The following TAS1R1 variants were observed in gnomAD, a reference collection of about 807,000 sequenced individuals.
The protein encoded by TAS1R1 is taste receptor type 1 member 1.
A neutral mutation model predicts 45.8 loss-of-function variants in TAS1R1; 31 were observed. The ratio of observed to expected loss-of-function variants is 0.68; its 90% CI spans 0.51 to 0.91. The LOEUF (loss-of-function observed/expected upper bound fraction) is 0.91. Ranked by LOEUF, TAS1R1 falls within the 40% of genes least tolerant of loss-of-function variation. TAS1R1 has a pLI of 0.00. For missense variants in TAS1R1, 1,051 were observed against 1,063.9 expected (o/e 0.99, Z 0.17); for synonymous variants, 437 against 448.4 (o/e 0.97, Z 0.32).
At position 6,579,202 on chromosome 1, in the gene TAS1R1, T is replaced by C. The variant is rs1353106595; in HGVS notation, c.2144T>C (p.Leu715Pro). ...PAREYQRFPH[L>P]VMLECTETNS... ...AGGGAATACCAGCGCTTCCCCCATCTGGTGATGCTTGAGTGCACAGAGACC... is the reference window on the plus strand; with the variant it reads ...AGGGAATACCAGCGCTTCCCCCATCCGGTGATGCTTGAGTGCACAGAGACC... The change falls in exon 6 of 6, where the codon CTG (leucine) becomes CCG (proline). Residue 715 changes from leucine to proline, a missense_variant. By Grantham distance (98) the Leu-to-Pro change is moderately conservative (BLOSUM62 -3). Coordinates refer to ENST00000333172, the MANE Select transcript of TAS1R1 (RefSeq NM_138697.4). 1 of 1,614,204 alleles carries C rather than the reference T, an allele frequency of 6.2e-7. No individual in the cohort carries two copies. Among genetic ancestry groups the C allele is most frequent in the South Asian group, 1.1e-5 (1 of 91,090 alleles).
chr1:6,575,418 C>T (rs758483247), intron 3 of TAS1R1, 26 bp downstream of exon 3: 153 of 1,524,942 alleles, frequency 1.0e-4, no homozygotes, highest in Non-Finnish European at 1.3e-4. Context: ...CCAGCACCTC[C>T]TGTCAGGGAG....
chr1:6,571,059 C>T lies in TAS1R1; in HGVS notation c.342C>T (p.Ala114=), dbSNP rs1639999912. Reference sequence around the variant, plus strand: ...GTTCTGACTCTGCCAATGTGTATGCCACGCTGAGAGTGCTCTCCCTGCCAG... The same window carrying T: ...GTTCTGACTCTGCCAATGTGTATGCTACGCTGAGAGTGCTCTCCCTGCCAG... The part of the protein sequence containing the change: ...DVCSDSANVY[A]TLRVLSLPGQ... The change falls in exon 2 of 6, where the codon GCC becomes GCT. Residue 114 remains alanine (A), a synonymous_variant. Transcript: ENST00000333172. The T allele has an allele frequency of 4.3e-6, 7 of 1,614,170 alleles. No individual in the cohort carries two copies. The highest frequency in any genetic ancestry group is 5.9e-6 in the Non-Finnish European group (7 of 1,180,038).
Position 6,579,259 on chromosome 1 carries a change from A to C in TAS1R1, c.2201A>C (p.Tyr734Ser), listed in dbSNP as rs1395265685. ...NSLGFILAFL[Y>S]NGLLSISAFA... is the part of the protein sequence containing the mutation. ...CTGGGCTTCATACTGGCCTTCCTCTACAATGGCCTCCTCTCCATCAGTGCC... is the reference window on the plus strand; with the variant it reads ...CTGGGCTTCATACTGGCCTTCCTCTCCAATGGCCTCCTCTCCATCAGTGCC... The change falls in exon 6 of 6, where the codon TAC becomes TCC. Residue 734 changes from tyrosine (Y) to serine (S), a missense_variant. Tyr to Ser is a moderately radical substitution (Grantham distance 144, BLOSUM62 -2). Coordinates refer to ENST00000333172, the MANE Select transcript of TAS1R1 (RefSeq NM_138697.4). 6.2e-7 allele frequency: 1 copy of C among 1,614,182 alleles called. No homozygotes were observed. Among genetic ancestry groups the C allele is most frequent in the South Asian group, 1.1e-5 (1 of 91,078 alleles).
chr1:6,574,850 G>A lies in TAS1R1; in HGVS notation c.718G>A (p.Ala240Thr). The A allele has an allele frequency of 6.2e-7, 1 of 1,614,260 alleles. No homozygotes were observed. The highest frequency in any genetic ancestry group is 1.1e-5 in the South Asian group (1 of 91,090). Residue 240 changes from alanine (A) to threonine (T), a missense_variant, in exon 3 of 6, where the codon GCT becomes ACT. Physicochemically the swap from Ala to Thr is moderately conservative, Grantham distance 58. Transcript: ENST00000333172. The surrounding 1 kb of genome is among the most constrained non-coding windows in gnomAD (Gnocchi z 4.3). ...GGCCACTGGTCAGGGGATCTGCATT[G>A]CTTTCAAGGACATCATGCCCTTCTC... ...NQATGQGICI[A>T]FKDIMPFSAQ... is the part of the protein sequence containing the mutation.
chr1:6,578,730 G>T lies in TAS1R1; in HGVS notation c.1672G>T (p.Val558Leu), dbSNP rs1344991529. ...GSQTCFPRTV[V>L]FLALREHTSW... ...CCAGACCTGCTTCCCGCGCACTGTG[G>T]TGTTTTTGGCTTTGCGTGAGCACAC... Residue 558 changes from valine to leucine, a missense_variant, in exon 6 of 6, where the codon GTG becomes TTG. Physicochemically the swap from Val to Leu is conservative, Grantham distance 32. Coordinates refer to ENST00000333172, the MANE Select transcript of TAS1R1 (RefSeq NM_138697.4). 10 of 1,613,500 alleles carry T rather than the reference G, an allele frequency of 6.2e-6. No individual in the cohort carries two copies. The highest frequency in any genetic ancestry group is 1.3e-5 in the African/African-American group (1 of 75,052).
At chr1:6,572,590 G>A (rs1265325485) in intron 2 of TAS1R1, among the ~76,000 whole-genome samples, 1 of 152,056 alleles carries the variant, frequency 6.6e-6, no homozygotes, top group Non-Finnish European at 1.5e-5. Flanking sequence ...TCCTATGAGA[G>A]TCTTTCCTTG....
chr1:6,568,380 G>A (rs1000269121), intron 1 of TAS1R1, among the ~76,000 whole-genome samples: 11 of 151,852 alleles, frequency 7.2e-5, no homozygotes, highest in Non-Finnish European at 7.4e-5. Flanking sequence ...GCGTGAACCC[G>A]GGAGGCGGAG....
At position 6,576,396 on chromosome 1, in the gene TAS1R1, T is replaced by G. The variant is rs75192825; in HGVS notation, c.1261-19T>G. 1.7e-5 allele frequency: 27 copies of G among 1,612,748 alleles called. No homozygotes were observed. The highest frequency in any genetic ancestry group is 4.5e-5 in the East Asian group (2 of 44,898). ...GTCTGTGCTGTCTGTGGTGGCTTCA[T>G]GATACGCGTTTCTTTCAGCTTTTGG... On this transcript the variant is annotated intron_variant, in intron 3 of 5. Transcript: ENST00000333172.
intron 1 of TAS1R1, among the ~76,000 whole-genome samples, chr1:6,564,624 C>T (rs556270651): frequency 2.6e-5 from 4 of 152,118 alleles, no homozygotes; most frequent in Middle Eastern, 3.4e-3. Context: ...GATATGGAGG[C>T]GCCACTGGAC....
At chr1:6,557,956 G>A (rs1316667863) in intron 1 of TAS1R1, among the ~76,000 whole-genome samples, 1 of 152,154 alleles carries the variant, frequency 6.6e-6, no homozygotes, top group Non-Finnish European at 1.5e-5. Flanking sequence ...GGGGTGATAA[G>A]GCATATAGGC....
chr1:6,570,215 C>T (rs1458875177), intron 1 of TAS1R1, among the ~76,000 whole-genome samples: 1 of 152,000 alleles, frequency 6.6e-6, no homozygotes, highest in Admixed American at 6.6e-5. Flanking sequence ...GCAGCCCAGG[C>T]TTACAGACTA....
Position 6,574,789 on chromosome 1 carries a change from C to T in TAS1R1, c.657C>T (p.Asp219=), listed in dbSNP as rs762031703. Residue 219 remains aspartate, a synonymous_variant, in exon 3 of 6, where the codon GAC becomes GAT. Coordinates refer to ENST00000333172, the MANE Select transcript of TAS1R1 (RefSeq NM_138697.4). The surrounding 1 kb of genome is among the most constrained non-coding windows in gnomAD (Gnocchi z 4.3). ...TCTCTCTGGTTGGCAGCAGTGACGA[C>T]TATGGGCAGCTAGGGGTGCAGGCAC... ...TWISLVGSSD[D]YGQLGVQALE... The T allele has an allele frequency of 1.9e-6, 3 of 1,614,164 alleles. No homozygotes were observed. The highest frequency in any genetic ancestry group is 3.3e-5 in the Admixed American group (2 of 60,010).
In TAS1R1 at chr1:6,574,906, C is replaced by T. The variant is rs753867168; in HGVS notation, c.774C>T (p.Cys258=). 1 of 1,614,152 alleles carries T rather than the reference C, an allele frequency of 6.2e-7. No individual in the cohort carries two copies. The highest frequency in any genetic ancestry group is 1.1e-5 in the South Asian group (1 of 91,090). ...AGGTGGGCGATGAGAGGATGCAGTGCCTCATGCGCCACCTGGCCCAGGCCG... is the reference window on the plus strand; with the variant it reads ...AGGTGGGCGATGAGAGGATGCAGTGTCTCATGCGCCACCTGGCCCAGGCCG... ...SAQVGDERMQ[C]LMRHLAQAGA... The change falls in exon 3 of 6, where the codon TGC becomes TGT. Residue 258 remains cysteine, a synonymous_variant. Coordinates refer to ENST00000333172, the MANE Select transcript of TAS1R1 (RefSeq NM_138697.4). The surrounding 1 kb of genome is among the most constrained non-coding windows in gnomAD (Gnocchi z 4.3).
intron 2 of TAS1R1, among the ~76,000 whole-genome samples, chr1:6,573,806 G>A (rs531084470): frequency 1.3e-5 from 2 of 151,962 alleles, no homozygotes; most frequent in South Asian, 4.2e-4. Flanking sequence ...GGGACTACAG[G>A]CGCGCGCCAC....
chr1:6,579,686 G>A lies in TAS1R1; in HGVS notation c.*102G>A. ...GAGGTCTTTGGGCATCGCGGTCTGG[G>A]GTTGGGACGTGTAAGCGCCTGGGAG... On this transcript the variant is annotated 3_prime_UTR_variant, in exon 6 of 6. Coordinates refer to ENST00000333172, the MANE Select transcript of TAS1R1 (RefSeq NM_138697.4). 2.0e-6 allele frequency: 3 copies of A among 1,468,236 alleles called. No homozygotes were observed. Among genetic ancestry groups the A allele is most frequent in the East Asian group, 2.4e-5 (1 of 42,482 alleles). 91.0% of individuals were successfully genotyped at this position (1,468,236 alleles called of 1,614,324 possible).
intron 4 of TAS1R1, 70 bp from the exon 5 acceptor site, chr1:6,576,880 G>A (rs1640194052): frequency 2.5e-6 from 4 of 1,608,574 alleles, no homozygotes; most frequent in South Asian, 1.1e-5. Flanking sequence ...CAGAGATTCT[G>A]TTTTCTGTTC....
intron 3 of TAS1R1, 59 bp downstream of exon 3, chr1:6,575,451 A>G (rs2148675558): frequency 6.7e-7 from 1 of 1,491,368 alleles, no homozygotes; most frequent in Non-Finnish European, 8.9e-7. Flanking sequence ...TGAGATGAGC[A>G]GAGTGGGCAC....
chr1:6,571,004 T>A lies in TAS1R1; in HGVS notation c.287T>A (p.Ile96Asn), dbSNP rs201605270. The change falls in exon 2 of 6, where the codon ATC (isoleucine) becomes AAC (asparagine). Residue 96 changes from isoleucine to asparagine, a missense_variant. Physicochemically the swap from Ile to Asn is moderately radical, Grantham distance 149. Coordinates refer to ENST00000333172, the MANE Select transcript of TAS1R1 (RefSeq NM_138697.4). Reference protein sequence around the residue: ...INNSTALLPNITLGYQLYDVC... With the variant: ...INNSTALLPNNTLGYQLYDVC... ...AACTCCACGGCCCTGCTGCCCAACA[T>A]CACCCTGGGGTACCAGCTGTATGAT... is the stretch of plus-strand genomic sequence containing the variant. 2.5e-6 allele frequency: 4 copies of A among 1,614,030 alleles called. No homozygotes were observed. In the South Asian group the frequency reaches 4.4e-5, roughly 18 times the overall value.
At chr1:6,578,089 AC>A (rs1640233041) in intron 5 of TAS1R1, among the ~76,000 whole-genome samples, 1 of 152,202 alleles carries the variant, frequency 6.6e-6, no homozygotes, top group African/African-American at 2.4e-5. Context: ...AGAGAAAAAA[AC>A]AGCATTCCCC....
Sources: gnomAD v4.1 joint callset for allele counts (sites outside exome capture counted in the v4.1 genomes callset) on GRCh38, gnomAD v4.1.1 for gene constraint, Gnocchi (gnomAD v3.1) non-coding constraint, MANE v1.5 for transcripts, NCBI Gene and HGNC (gene_info 2026-07-23, HGNC 2026-07-21) for gene names.